CNTN5: variants seen among roughly 807,000 people sequenced by gnomAD.
CNTN5 encodes the protein contactin 5.
In CNTN5, 77 loss-of-function variants were observed where a neutral mutation model predicts 129.1. That is an observed-to-expected ratio of 0.60 (90% CI 0.50 to 0.72). The LOEUF (loss-of-function observed/expected upper bound fraction) is 0.72, where lower values mean the gene tolerates loss of function less well. CNTN5 is among the 30% of genes least tolerant of loss of function. The probability of loss-of-function intolerance (pLI) is 0.00; values close to 1 mark genes in which losing one functional copy is unlikely to be tolerated. For synonymous variants in CNTN5, 509 were observed against 465.6 expected (o/e 1.09, Z -1.20); for missense variants, 1,478 against 1,328.8 (o/e 1.11, Z -1.75).
At chr11:99,515,634 T>C (rs1339994349) in intron 2 of CNTN5, among the ~76,000 whole-genome samples, 1 of 152,026 alleles carries the variant, frequency 6.6e-6, no homozygotes, top group Non-Finnish European at 1.5e-5. Context: ...TTTGCCTTAA[T>C]TGTCCCCTCA....
chr11:99,286,985 C>G (rs570989746), intron 1 of CNTN5, among the ~76,000 whole-genome samples: 105 of 152,258 alleles, frequency 6.9e-4, no homozygotes, highest in South Asian at 1.4e-3. Context: ...TCAAACATAA[C>G]TCTTTCAACA....
At chr11:99,813,248 C>A (rs1946483999) in intron 3 of CNTN5, among the ~76,000 whole-genome samples, 1 of 152,018 alleles carries the variant, frequency 6.6e-6, no homozygotes, top group Non-Finnish European at 1.5e-5. Context: ...TGGTCCAGAC[C>A]CCATCAGAGC....
At chr11:99,747,655 A>G (rs1017283932) in intron 3 of CNTN5, among the ~76,000 whole-genome samples, 1 of 151,554 alleles carries the variant, frequency 6.6e-6, no homozygotes, top group African/African-American at 2.4e-5. Flanking sequence ...TGTATTTTTT[A>G]GTAGAGACGA....
At chr11:100,190,275 G>A (rs976158245) in intron 13 of CNTN5, among the ~76,000 whole-genome samples, 7 of 152,054 alleles carry the variant, frequency 4.6e-5, no homozygotes, top group Non-Finnish European at 8.8e-5. Context: ...CACAACAGCC[G>A]TGTCTATTAT....
Position 100,271,111 on chromosome 11 carries a change from G to A in CNTN5, c.2184G>A (p.Gly728=). Residue 728 remains glycine (G), a synonymous_variant, in exon 18 of 25, where the codon GGG becomes GGA. Transcript: ENST00000524871. The part of the protein sequence containing the change: ...TVKTVPEIIT[G]DMESAMAVDL... ...CTATAGTCCCAGAAATCATAACAGG[G>A]GACATGGAGTCAGCCATGGCTGTGG... 6.2e-7 allele frequency: 1 copy of A among 1,609,458 alleles called. No individual in the cohort carries two copies. The highest frequency in any genetic ancestry group is 8.5e-7 in the Non-Finnish European group (1 of 1,178,340).
Position 99,331,518 on chromosome 11 carries a change from T to C in CNTN5, c.-71+6034T>C, listed in dbSNP as rs567098859. On this transcript the variant is annotated intron_variant, in intron 2 of 24. Coordinates refer to ENST00000524871, the MANE Select transcript of CNTN5 (RefSeq NM_014361.4). Reference sequence around the variant, plus strand: ...AACAAAATGACAGAGGTGACTATAGTGGAAAATAAATGAAAAAGAAAACAC... The same window carrying C: ...AACAAAATGACAGAGGTGACTATAGCGGAAAATAAATGAAAAAGAAAACAC... Among the ~76,000 whole-genome samples the C allele has an allele frequency of 1.5e-3, 226 of 152,210 alleles. 1 individual carries two copies. Among genetic ancestry groups the C allele is most frequent in the African/African-American group, 5.3e-3 (222 of 41,556 alleles).
intron 1 of CNTN5, among the ~76,000 whole-genome samples, chr11:99,189,956 T>G (rs564868580): frequency 6.6e-6 from 1 of 151,732 alleles, no homozygotes; most frequent in Admixed American, 6.6e-5. Context: ...TCTGCTTTTT[T>G]ATTCCTATCC....
intron 6 of CNTN5, among the ~76,000 whole-genome samples, chr11:99,894,859 T>A (rs1473861595): frequency 6.6e-6 from 1 of 152,190 alleles, no homozygotes; most frequent in Non-Finnish European, 1.5e-5. Flanking sequence ...TGAAGAAGAT[T>A]AGCTCTGCTT....
rs10893839 is a variant in CNTN5, at chr11:99,753,872, G to T, written c.56-65672G>T. On this transcript the variant is annotated intron_variant, in intron 3 of 24. Coordinates refer to ENST00000524871, the MANE Select transcript of CNTN5 (RefSeq NM_014361.4). The stretch of plus-strand genomic sequence containing the variant: ...CCAACTAATTTTTGTATTTTTAGTA[G>T]AAATGGGGTTTTGCTATGTTGGCTA... Among the ~76,000 whole-genome samples the T allele has an allele frequency of 2.5e-4, 38 of 150,786 alleles. 1 individual carries two copies. In the South Asian group the frequency reaches 3.8e-3, roughly 15 times the overall value.
At chr11:100,110,639 T>A (rs1415496878) in intron 13 of CNTN5, among the ~76,000 whole-genome samples, 1 of 152,196 alleles carries the variant, frequency 6.6e-6, no homozygotes, top group African/African-American at 2.4e-5. Context: ...GAAACTATAA[T>A]TGTCTATAGT....
chr11:99,837,556 C>T (rs1301831200), intron 4 of CNTN5, among the ~76,000 whole-genome samples: 2 of 151,760 alleles, frequency 1.3e-5, no homozygotes, highest in East Asian at 1.9e-4. Flanking sequence ...ATTTTACATA[C>T]ATTTCAGTCT....
intron 7 of CNTN5, among the ~76,000 whole-genome samples, chr11:99,954,638 T>G (rs1950755572): frequency 6.6e-6 from 1 of 152,190 alleles, no homozygotes; most frequent in Non-Finnish European, 1.5e-5. Context: ...TTTTTATGAT[T>G]ACTTTGAAGG....
chr11:99,387,294 T>C (rs1220994528), intron 2 of CNTN5, among the ~76,000 whole-genome samples: 1 of 152,170 alleles, frequency 6.6e-6, no homozygotes, highest in Non-Finnish European at 1.5e-5. Flanking sequence ...GTTGCCACAT[T>C]ATCTGTTTTC....
intron 8 of CNTN5, among the ~76,000 whole-genome samples, chr11:99,983,990 T>C (rs10736584): frequency 0.7 from 106,025 of 151,956 alleles, 37,321 homozygotes; most frequent in East Asian, 0.8. Flanking sequence ...TATGGGCAGC[T>C]GGGCATAGTG....
At chr11:100,169,474 G>C (rs1947759645) in intron 13 of CNTN5, among the ~76,000 whole-genome samples, 1 of 152,006 alleles carries the variant, frequency 6.6e-6, no homozygotes, top group South Asian at 2.1e-4. Flanking sequence ...ACCCTGATAA[G>C]TCAGCAGCCA....
intron 21 of CNTN5, among the ~76,000 whole-genome samples, chr11:100,327,622 A>G (rs1951817743): frequency 1.3e-5 from 2 of 152,134 alleles, no homozygotes; most frequent in Admixed American, 6.5e-5. Context: ...ATCGTGCCCT[A>G]AGTAGACTGT....
intron 13 of CNTN5, among the ~76,000 whole-genome samples, chr11:100,130,020 C>A (rs959479507): frequency 6.6e-6 from 1 of 152,120 alleles, no homozygotes; most frequent in Middle Eastern, 3.4e-3. Context: ...AAAATAAATT[C>A]TAATTTTTAC....
chr11:99,624,172 G>A (rs1030036251), intron 3 of CNTN5, among the ~76,000 whole-genome samples: 2 of 151,908 alleles, frequency 1.3e-5, no homozygotes, highest in Non-Finnish European at 2.9e-5. Context: ...GGAATACTGA[G>A]TGGTCTTTGA....
At chr11:99,288,945 G>A (rs1235660790) in intron 1 of CNTN5, among the ~76,000 whole-genome samples, 3 of 151,754 alleles carry the variant, frequency 2.0e-5, no homozygotes, top group Non-Finnish European at 4.4e-5. Flanking sequence ...ACTTGGCTGT[G>A]TATTTGGTTC....
Sources: allele counts gnomAD v4.1 joint callset (sites outside exome capture counted in the v4.1 genomes callset), GRCh38; gene constraint gnomAD v4.1.1; transcripts MANE v1.5; gene names NCBI Gene and HGNC (gene_info 2026-07-23, HGNC 2026-07-21).